Variants in GALNT13 observed in about 807,000 individuals in gnomAD.
The protein encoded by GALNT13 is polypeptide N-acetylgalactosaminyltransferase 13.
Under a neutral mutation model 64.2 loss-of-function variants are expected in GALNT13, and 28 were observed. That is an observed-to-expected ratio of 0.44 (90% CI 0.32 to 0.60). The LOEUF (loss-of-function observed/expected upper bound fraction) is 0.60, where lower values mean the gene tolerates loss of function less well. Ranked by LOEUF, GALNT13 falls within the 20% of genes least tolerant of loss-of-function variation. The pLI is 0.05. For missense variants in GALNT13, 577 were observed against 669.8 expected, an observed-to-expected ratio of 0.86 and a Z score of 1.53; for synonymous variants, 214 against 224.6, an observed-to-expected ratio of 0.95 and a Z score of 0.42.
chr2:153,848,750 A>G, the GALNT13 span, among the ~76,000 whole-genome samples: 1 of 151,990 alleles, frequency 6.6e-6, no homozygotes, highest in Non-Finnish European at 1.5e-5. Context: ...TAATATGGAG[A>G]CAAGACAAAA....
chr2:153,277,532 G>A, the GALNT13 span, among the ~76,000 whole-genome samples: 1 of 152,178 alleles, frequency 6.6e-6, no homozygotes, highest in East Asian at 1.9e-4. Flanking sequence ...GAATTTCTTT[G>A]GTAGAGTAAT....
the GALNT13 span, among the ~76,000 whole-genome samples, chr2:153,270,533 T>C: frequency 2.0e-5 from 3 of 152,310 alleles, no homozygotes; most frequent in Admixed American, 2.0e-4. Flanking sequence ...AAGCTTCTTT[T>C]GCTTTGGCTC....
At chr2:153,162,232 A>G in the GALNT13 span, among the ~76,000 whole-genome samples, 1 of 152,184 alleles carries the variant, frequency 6.6e-6, no homozygotes, top group Non-Finnish European at 1.5e-5. Flanking sequence ...TTCTTGGTAC[A>G]GGGTTATTTT....
At chr2:153,457,973 A>C in the GALNT13 span, among the ~76,000 whole-genome samples, 2 of 152,094 alleles carry the variant, frequency 1.3e-5, no homozygotes, top group South Asian at 4.2e-4. Context: ...ATCTATCTTA[A>C]AGCCCTCCTG....
intron 3 of GALNT13, among the ~76,000 whole-genome samples, chr2:153,980,464 C>T (rs987442619): frequency 1.3e-5 from 2 of 151,956 alleles, no homozygotes; most frequent in African/African-American, 2.4e-5. Flanking sequence ...GAAGAGTAGA[C>T]TGAATCAAGA....
At chr2:154,317,209 C>CAA (rs10711591) in intron 9 of GALNT13, among the ~76,000 whole-genome samples, 276 of 103,318 alleles carry the variant, frequency 2.7e-3, no homozygotes, top group Admixed American at 5.7e-3. Context: ...CGAGACATCT[C>CAA]AAAAAAAAAA....
the GALNT13 span, among the ~76,000 whole-genome samples, chr2:153,507,291 T>G: frequency 6.6e-6 from 1 of 152,102 alleles, no homozygotes; most frequent in Non-Finnish European, 1.5e-5. Flanking sequence ...CTTTTTTATT[T>G]TTATTTTTGG....
the GALNT13 span, among the ~76,000 whole-genome samples, chr2:153,678,725 A>G: frequency 6.6e-6 from 1 of 152,060 alleles, no homozygotes; most frequent in East Asian, 1.9e-4. Flanking sequence ...CGTTGTGTCA[A>G]GTGGAAGCAC....
intron 11 of GALNT13, among the ~76,000 whole-genome samples, chr2:154,425,193 A>T (rs707059): frequency 6.6e-6 from 1 of 152,006 alleles, no homozygotes; most frequent in Non-Finnish European, 1.5e-5. Context: ...TATATACCAG[A>T]GTTTTAGGAA....
chr2:153,849,650 G>C, the GALNT13 span, among the ~76,000 whole-genome samples: 1 of 152,112 alleles, frequency 6.6e-6, no homozygotes. Flanking sequence ...TGAACCAGGA[G>C]TTCTCTCTGC....
Position 154,094,478 on chromosome 2 carries a change from C to T in GALNT13, c.143-45859C>T, listed in dbSNP as rs143395112. On this transcript the variant is annotated intron_variant, in intron 3 of 12. Coordinates refer to ENST00000392825, the MANE Select transcript of GALNT13 (RefSeq NM_052917.4). ...AAGAATTATTTGCCAGAAGTAATTCCTGCCTTAAATTGGACAACTCAGATG... is the reference window on the plus strand; with the variant it reads ...AAGAATTATTTGCCAGAAGTAATTCTTGCCTTAAATTGGACAACTCAGATG... Among the ~76,000 whole-genome samples the T allele has an allele frequency of 3.0e-3, 457 of 151,990 alleles. 1 individual carries two copies. The highest frequency in any genetic ancestry group is 0.011 in the African/African-American group (440 of 41,510).
rs937058707 is a variant in GALNT13 at position 153,962,252 on chromosome 2, A to G, written c.142+17613A>G. 8.5e-5 allele frequency among the ~76,000 whole-genome samples: 13 copies of G among 152,180 alleles called. 1 individual carries two copies. On this transcript the variant is annotated intron_variant, in intron 3 of 12. Transcript: ENST00000392825. ...TATACTTTCACTTTCTCCACGATATACAGAGGTTTTCATAAGATCATTGCA... is the reference window on the plus strand; with the variant it reads ...TATACTTTCACTTTCTCCACGATATGCAGAGGTTTTCATAAGATCATTGCA...
the GALNT13 span, among the ~76,000 whole-genome samples, chr2:153,473,018 A>C: frequency 6.6e-6 from 1 of 152,040 alleles, no homozygotes; most frequent in African/African-American, 2.4e-5. Flanking sequence ...GGAACATCAC[A>C]CACCAGGGCT....
intron 2 of GALNT13, among the ~76,000 whole-genome samples, chr2:153,939,954 T>C (rs1013730807): frequency 1.3e-5 from 2 of 152,154 alleles, no homozygotes; most frequent in South Asian, 2.1e-4. Flanking sequence ...ATCATGACAA[T>C]GTAACTCTGA....
chr2:153,789,597 T>G, the GALNT13 span, among the ~76,000 whole-genome samples: 6 of 150,478 alleles, frequency 4.0e-5, no homozygotes, highest in African/African-American at 1.5e-4. Flanking sequence ...CAAATCAGAG[T>G]TGAACTGAAG....
At chr2:153,725,294 T>C in the GALNT13 span, among the ~76,000 whole-genome samples, 1 of 150,300 alleles carries the variant, frequency 6.7e-6, no homozygotes, top group African/African-American at 2.4e-5. Flanking sequence ...TATCACACTC[T>C]GGGGACTGTG....
the GALNT13 span, among the ~76,000 whole-genome samples, chr2:153,833,807 A>G: frequency 6.6e-6 from 1 of 151,970 alleles, no homozygotes; most frequent in African/African-American, 2.4e-5. Flanking sequence ...TGTAAAATCA[A>G]CTCTCCAGGT....
At chr2:153,957,300 T>C (rs529364950) in intron 3 of GALNT13, among the ~76,000 whole-genome samples, 3 of 152,014 alleles carry the variant, frequency 2.0e-5, no homozygotes, top group Non-Finnish European at 4.4e-5. Context: ...TAGCATCAAA[T>C]TAGAAAGGGA....
the GALNT13 span, among the ~76,000 whole-genome samples, chr2:153,225,591 A>G: frequency 6.6e-6 from 1 of 152,228 alleles, no homozygotes. Context: ...ATTCCAAAAC[A>G]TCTGTTAAAA....
Sources: gnomAD v4.1 joint callset for allele counts (sites outside exome capture counted in the v4.1 genomes callset) on GRCh38, gnomAD v4.1.1 for gene constraint, MANE v1.5 for transcripts, NCBI Gene and HGNC (gene_info 2026-07-23, HGNC 2026-07-21) for gene names.